Variants in LINGO2 observed in about 807,000 individuals in gnomAD.
The protein encoded by LINGO2 is leucine-rich repeat and immunoglobulin-like domain-containing nogo receptor-interacting protein 2.
Under a neutral mutation model 30.6 loss-of-function variants are expected in LINGO2, and 14 were observed. That is an observed-to-expected ratio of 0.46 (90% CI 0.30 to 0.72). LINGO2 has a LOEUF of 0.72. Among genes scored for constraint, LINGO2 ranks in the 30% least tolerant of loss-of-function variants. The probability of loss-of-function intolerance (pLI) is 0.07; values close to 1 mark genes in which losing one functional copy is unlikely to be tolerated. For missense variants in LINGO2, 729 were observed against 751.7 expected, an observed-to-expected ratio of 0.97 and a Z score of 0.35; for synonymous variants, 317 against 288.5, an observed-to-expected ratio of 1.10 and a Z score of -1.00.
At chr9:28,042,529 C>T (rs72724951) in intron 4 of LINGO2, among the ~76,000 whole-genome samples, 394 of 152,224 alleles carry the variant, frequency 2.6e-3, no homozygotes, top group Non-Finnish European at 4.4e-3. Flanking sequence ...GTGTTATAAC[C>T]AAAGTCCACC....
the LINGO2 span, among the ~76,000 whole-genome samples, chr9:28,910,264 C>T: frequency 6.6e-6 from 1 of 151,914 alleles, no homozygotes; most frequent in African/African-American, 2.4e-5. Flanking sequence ...TGTTAAACTA[C>T]ACATAGCACA....
chr9:28,038,227 C>T (rs1024808551), intron 4 of LINGO2, among the ~76,000 whole-genome samples: 9 of 62,220 alleles, frequency 1.4e-4, no homozygotes, highest in African/African-American at 5.2e-4. Context: ...TATCATGGTT[C>T]ATTTAAGTAT....
chr9:28,921,895 G>A, the LINGO2 span, among the ~76,000 whole-genome samples: 1 of 152,154 alleles, frequency 6.6e-6, no homozygotes, highest in African/African-American at 2.4e-5. Context: ...TATTATCCTG[G>A]ATTCTTCCCT....
At chr9:28,094,955 A>C (rs1826202792) in intron 4 of LINGO2, among the ~76,000 whole-genome samples, 1 of 152,192 alleles carries the variant, frequency 6.6e-6, no homozygotes, top group Admixed American at 6.6e-5. Context: ...TAATTGCATA[A>C]AATCCACTTC....
chr9:28,090,339 G>A (rs1019233159), intron 4 of LINGO2, among the ~76,000 whole-genome samples: 3 of 152,132 alleles, frequency 2.0e-5, no homozygotes, highest in Non-Finnish European at 4.4e-5. Flanking sequence ...ACTGAATCCA[G>A]CAGCACATCA....
chr9:28,691,561 A>G, the LINGO2 span, among the ~76,000 whole-genome samples: 1 of 151,076 alleles, frequency 6.6e-6, no homozygotes, highest in Non-Finnish European at 1.5e-5. Flanking sequence ...TCTCTATTGC[A>G]TCCTTAAGAA....
chr9:28,287,940 T>A (rs186946196), intron 4 of LINGO2, among the ~76,000 whole-genome samples: 4 of 152,276 alleles, frequency 2.6e-5, no homozygotes, highest in Admixed American at 6.5e-5. Flanking sequence ...CTGGAAGACA[T>A]TTATTTAGTC....
intron 4 of LINGO2, among the ~76,000 whole-genome samples, chr9:28,193,792 T>C (rs1282454645): frequency 6.6e-6 from 1 of 152,162 alleles, no homozygotes; most frequent in Non-Finnish European, 1.5e-5. Flanking sequence ...TCCATTCATG[T>C]GGAGGCTGCA....
At chr9:28,632,490 C>A (rs1826992413) in intron 1 of LINGO2, among the ~76,000 whole-genome samples, 1 of 150,220 alleles carries the variant, frequency 6.7e-6, no homozygotes, top group Non-Finnish European at 1.5e-5. Context: ...TCAGGGTTCT[C>A]TTAGAGAGAC....
chr9:28,532,613 C>T (rs1434727359), intron 1 of LINGO2, among the ~76,000 whole-genome samples: 1 of 152,018 alleles, frequency 6.6e-6, no homozygotes, highest in East Asian at 1.9e-4. Context: ...GGAGGTTAAG[C>T]TTTCCAAGGA....
At chr9:28,913,889 A>C in the LINGO2 span, among the ~76,000 whole-genome samples, 1 of 152,202 alleles carries the variant, frequency 6.6e-6, no homozygotes, top group Non-Finnish European at 1.5e-5. Flanking sequence ...AAAATAGAGC[A>C]AATGTATCAG....
chr9:27,997,785 C>T (rs1023939837), intron 5 of LINGO2, among the ~76,000 whole-genome samples: 5 of 152,072 alleles, frequency 3.3e-5, no homozygotes, highest in African/African-American at 1.2e-4. Context: ...CTAAATGGGT[C>T]GAAAGCAAGT....
chr9:28,680,494 A>G, the LINGO2 span, among the ~76,000 whole-genome samples: 1 of 152,102 alleles, frequency 6.6e-6, no homozygotes, highest in African/African-American at 2.4e-5. Context: ...GGATAGCTGC[A>G]TCATATGGTA....
At chr9:28,204,822 C>G (rs73645612) in intron 4 of LINGO2, among the ~76,000 whole-genome samples, 3 of 152,122 alleles carry the variant, frequency 2.0e-5, no homozygotes, top group African/African-American at 7.2e-5. Flanking sequence ...GTTCCATGAA[C>G]AGAATCTTCT....
chr9:28,117,222 C>T lies in LINGO2; in HGVS notation c.-86-104817G>A, dbSNP rs957318866. Among the ~76,000 whole-genome samples, 134 of 152,040 alleles carry T rather than the reference C, an allele frequency of 8.8e-4. 1 individual carries two copies. Among genetic ancestry groups the T allele is most frequent in the African/African-American group, 3.0e-3 (125 of 41,516 alleles). ...GGGGGTGCCTCCCAGTTAGGCTGCC[C>T]GGGGTTCAGGGGTCAGGGACCCACT... On this transcript the variant is annotated intron_variant, in intron 4 of 5. Coordinates refer to ENST00000379992, the Ensembl canonical transcript of LINGO2.
chr9:28,597,927 G>C (rs938318407), intron 1 of LINGO2, among the ~76,000 whole-genome samples: 23 of 151,886 alleles, frequency 1.5e-4, no homozygotes, highest in African/African-American at 5.3e-4. Flanking sequence ...ATCATGCCCA[G>C]CTAATTTTTG....
intron 5 of LINGO2, among the ~76,000 whole-genome samples, chr9:27,964,889 C>T (rs1820021637): frequency 6.6e-6 from 1 of 152,042 alleles, no homozygotes; most frequent in Non-Finnish European, 1.5e-5. Flanking sequence ...GTAACCTCTT[C>T]CAGGTGGCCT....
the LINGO2 span, among the ~76,000 whole-genome samples, chr9:28,726,475 A>T: frequency 6.6e-6 from 1 of 152,202 alleles, no homozygotes; most frequent in Non-Finnish European, 1.5e-5. Context: ...TATAAATATG[A>T]AGAAAAAAAT....
chr9:28,389,889 T>C (rs1821755386), intron 2 of LINGO2, among the ~76,000 whole-genome samples: 1 of 152,226 alleles, frequency 6.6e-6, no homozygotes, highest in Non-Finnish European at 1.5e-5. Context: ...TGTAGTCTGA[T>C]ATGTTTCTAA....
Sources: allele counts gnomAD v4.1 joint callset (sites outside exome capture counted in the v4.1 genomes callset), GRCh38; gene constraint gnomAD v4.1.1; transcripts MANE v1.5; gene names NCBI Gene and HGNC (gene_info 2026-07-23, HGNC 2026-07-21).